Variants in ERI2 observed in about 807,000 individuals in gnomAD.
The protein encoded by ERI2 is ERI1 exoribonuclease family member 2.
In ERI2, 35 loss-of-function variants were observed where a neutral mutation model predicts 46.8. That is an observed-to-expected ratio of 0.75 (90% confidence interval 0.57 to 0.99). The LOEUF (loss-of-function observed/expected upper bound fraction) is 0.99, where lower values mean the gene tolerates loss of function less well. ERI2 is among the 50% of genes least tolerant of loss of function. The pLI, the probability that ERI2 is intolerant of heterozygous loss-of-function variation, is 0.00. For missense variants in ERI2, 695 were observed against 796.2 expected, an observed-to-expected ratio of 0.87 and a Z score of 1.53; for synonymous variants, 224 against 271.0, an observed-to-expected ratio of 0.83 and a Z score of 1.70.
At chr16:20,781,477 A>G (rs1027175621) in intron 10 of ERI2, among the ~76,000 whole-genome samples, 4 of 152,268 alleles carry the variant, frequency 2.6e-5, no homozygotes, top group Admixed American at 2.0e-4. Context: ...GATTTAAAGT[A>G]TACGGGAGGA....
chr16:20,802,603 G>A (rs2080808246), intron 4 of ERI2, among the ~76,000 whole-genome samples, 193 bp downstream of exon 4: 1 of 149,856 alleles, frequency 6.7e-6, no homozygotes, highest in Non-Finnish European at 1.5e-5. Flanking sequence ...TTAGAGATGG[G>A]GTTCTCACTA....
At chr16:20,791,741 A>G (rs1424957533), downstream of ERI2, among the ~76,000 whole-genome samples, 1 of 152,190 alleles carries the variant, frequency 6.6e-6, no homozygotes, top group Non-Finnish European at 1.5e-5. Context: ...AGCCTGGCCA[A>G]CATGGGGAAA....
At position 20,798,658 on chromosome 16, in the gene ERI2, G is replaced by A; in HGVS notation, c.1142C>T (p.Ser381Phe). Reference protein sequence around the residue: ...STVGSELVLVSTTVPTVHHVS... With the variant: ...STVGSELVLVFTTVPTVHHVS... Reference sequence around the variant, plus strand: ...ATGATGAACAGTTGGAACGGTGGTAGAAACAAGTACCAATTCTGAACCAAC... The same window carrying A: ...ATGATGAACAGTTGGAACGGTGGTAAAAACAAGTACCAATTCTGAACCAAC... The change falls in exon 9 of 9, where the codon TCT becomes TTT. Residue 381 changes from serine (S) to phenylalanine (F), a missense_variant. Ser to Phe is a radical substitution (Grantham distance 155). Transcript: ENST00000357967. The A allele has an allele frequency of 6.4e-7, 1 of 1,551,642 alleles. No homozygotes were observed. The highest frequency in any genetic ancestry group is 8.7e-7 in the Non-Finnish European group (1 of 1,146,908).
chr16:20,780,949 T>C (rs986541687), intron 10 of ERI2: 1 of 1,613,832 alleles, frequency 6.2e-7, no homozygotes, highest in South Asian at 1.1e-5. Context: ...CCTATGTACA[T>C]CAGGGCTACT....
At chr16:20,780,197 T>C (rs2080323258) in exon 11 of ERI2, 1 of 179,664 alleles carries the variant, frequency 5.6e-6, no homozygotes, top group African/African-American at 2.4e-5. Context: ...CCTCAATGAA[T>C]GGGCAATAAC....
Position 20,797,878 on chromosome 16 carries a change from T to G in ERI2, c.1922A>C (p.Gln641Pro). The G allele has an allele frequency of 1.3e-6, 2 of 1,551,670 alleles. No homozygotes were observed. The highest frequency in any genetic ancestry group is 4.9e-5 in the East Asian group (2 of 40,918). ...RKCCGYFKWE[Q>P]TLQKERANSM... is the part of the protein sequence containing the mutation. ...GTTGGCTCTTTCCTTTTGAAGTGTT[T>G]GTTCCCATTTGAAATAACCACAACA... Residue 641 changes from glutamine to proline, a missense_variant, in exon 9 of 9, where the codon CAA becomes CCA. Transcript: ENST00000357967.
At chr16:20,789,894 G>A (rs1040678524) in intron 9 of ERI2, among the ~76,000 whole-genome samples, 4 of 151,504 alleles carry the variant, frequency 2.6e-5, no homozygotes, top group Admixed American at 2.6e-4. Context: ...GGCTGGTCTT[G>A]AACTCCTGAC....
intron 10 of ERI2, chr16:20,781,079 A>G (rs763377838): frequency 2.2e-5 from 35 of 1,614,080 alleles, no homozygotes; most frequent in East Asian, 1.8e-4. Flanking sequence ...TCCAGGGAGC[A>G]TGTGTATTCA....
intron 10 of ERI2, chr16:20,781,626 A>C (rs923912653): frequency 4.9e-6 from 5 of 1,027,832 alleles, no homozygotes; most frequent in Non-Finnish European, 6.1e-6. Context: ...ACAATGTTTA[A>C]ATTGTGCTGC....
At chr16:20,791,468 A>G (rs2080595419), downstream of ERI2, among the ~76,000 whole-genome samples, 1 of 152,258 alleles carries the variant, frequency 6.6e-6, no homozygotes, top group African/African-American at 2.4e-5. Flanking sequence ...TATCTAAGAA[A>G]AATCTCAAGA....
chr16:20,806,311 C>T lies in ERI2; in HGVS notation c.23+97G>A. ...CGCCGGGGCTGCGGGGAATAGAGGC[C>T]CTCACCGCAGATGCCACCTGCCGTG... On this transcript the variant is annotated intron_variant, in intron 1 of 8. Coordinates refer to ENST00000357967, the MANE Select transcript of ERI2 (RefSeq NM_001142725.2). 3 of 1,511,466 alleles carry T rather than the reference C, an allele frequency of 2.0e-6. No individual in the cohort carries two copies. The South Asian group carries it at 3.7e-5, about 19-fold the overall frequency. 93.6% of individuals were successfully genotyped at this position (1,511,466 alleles called of 1,614,324 possible).
chr16:20,804,916 CAA>C (rs1406863430), intron 1 of ERI2, among the ~76,000 whole-genome samples: 1 of 152,116 alleles, frequency 6.6e-6, no homozygotes, highest in Non-Finnish European at 1.5e-5. Context: ...TAATCCTCAA[CAA>C]GTGTAGTAGC....
intron 1 of ERI2, among the ~76,000 whole-genome samples, chr16:20,804,129 C>A (rs2080824630): frequency 6.6e-6 from 1 of 151,116 alleles, no homozygotes; most frequent in African/African-American, 2.4e-5. Context: ...GCTGGGATTA[C>A]AGGCCTGAGC....
chr16:20,787,141 T>G (rs537085872), intron 10 of ERI2, among the ~76,000 whole-genome samples: 1 of 152,298 alleles, frequency 6.6e-6, no homozygotes, highest in East Asian at 1.9e-4. Flanking sequence ...CAAAGGAACT[T>G]AACACTAATT....
chr16:20,798,236 A>G lies in ERI2; in HGVS notation c.1564T>C (p.Leu522=). The change falls in exon 9 of 9, where the codon TTG becomes CTG. Residue 522 remains leucine (L), a synonymous_variant. Coordinates refer to ENST00000357967, the MANE Select transcript of ERI2 (RefSeq NM_001142725.2). ...CCTGAAAGAAGAGGATGTTTCCCCA[A>G]AACTAAAGGATGAGACATATTGGCA... is the stretch of plus-strand genomic sequence containing the variant. The part of the protein sequence containing the change: ...VNANMSHPLV[L]GKHPLLSGGT... 1 of 1,551,628 alleles carries G rather than the reference A, an allele frequency of 6.4e-7. No individual in the cohort carries two copies. Among genetic ancestry groups the G allele is most frequent in the Non-Finnish European group, 8.7e-7 (1 of 1,146,902 alleles).
chr16:20,804,261 T>C (rs1437053724), intron 1 of ERI2, among the ~76,000 whole-genome samples: 3 of 152,172 alleles, frequency 2.0e-5, no homozygotes, highest in Admixed American at 1.3e-4. Context: ...GAAAATCTTA[T>C]TTTTCCCCCT....
At chr16:20,803,221 T>C (rs1321620730) in intron 3 of ERI2, among the ~76,000 whole-genome samples, 2 of 152,222 alleles carry the variant, frequency 1.3e-5, no homozygotes, top group African/African-American at 2.4e-5. Context: ...TTCTATGCCA[T>C]TGAGGTGTTG....
At chr16:20,806,155 C>T (rs867097207) in intron 1 of ERI2, 16 of 1,376,010 alleles carry the variant, frequency 1.2e-5, no homozygotes, top group Admixed American at 3.5e-5. Flanking sequence ...TGGCTCAAGG[C>T]CACACAGTCA....
chr16:20,799,500 T>C, intron 7 of ERI2, 149 bp from the exon 8 acceptor site: 1 of 714,108 alleles, frequency 1.4e-6, no homozygotes, highest in Non-Finnish European at 2.3e-6. Context: ...TTAATCATGA[T>C]AAACTGGTCT....
Sources: allele counts gnomAD v4.1 joint callset (sites outside exome capture counted in the v4.1 genomes callset), GRCh38; gene constraint gnomAD v4.1.1; transcripts MANE v1.5; gene names NCBI Gene and HGNC (gene_info 2026-07-23, HGNC 2026-07-21).